CDH13: variants seen among roughly 807,000 people sequenced by gnomAD.
CDH13 encodes the protein cadherin 13.
Under a neutral mutation model 63.8 loss-of-function variants are expected in CDH13, and 24 were observed. That is an observed-to-expected ratio of 0.38 (90% CI 0.27 to 0.53). The LOEUF is 0.53. Among genes scored for constraint, CDH13 ranks in the 20% least tolerant of loss-of-function variants. The pLI, the probability that CDH13 is intolerant of heterozygous loss-of-function variation, is 0.85. For synonymous variants in CDH13, 503 were observed against 355.3 expected (o/e 1.42, Z -4.67); for missense variants, 1,049 against 903.1 (o/e 1.16, Z -2.07).
At chr16:82,863,686 T>C (rs2040024693) in intron 2 of CDH13, among the ~76,000 whole-genome samples, 1 of 152,238 alleles carries the variant, frequency 6.6e-6, no homozygotes, top group African/African-American at 2.4e-5. Flanking sequence ...CTGCTGTTAC[T>C]ATTATTATCA....
chr16:82,900,512 C>A (rs529277951), intron 2 of CDH13, among the ~76,000 whole-genome samples: 2 of 152,270 alleles, frequency 1.3e-5, no homozygotes, highest in Admixed American at 1.3e-4. Flanking sequence ...TAAGAAATAA[C>A]TTCAGAGGTG....
At chr16:83,108,156 TC>T (rs2151615878) in intron 3 of CDH13, among the ~76,000 whole-genome samples, 1 of 152,144 alleles carries the variant, frequency 6.6e-6, no homozygotes, top group South Asian at 2.1e-4. Flanking sequence ...CTTCCTTCAT[TC>T]CCCGGGTATG....
chr16:82,910,670 CACAGGTGT>C (rs1428768229), intron 2 of CDH13, among the ~76,000 whole-genome samples: 1 of 152,184 alleles, frequency 6.6e-6, no homozygotes, highest in Non-Finnish European at 1.5e-5. Context: ...AAACAGGCCG[CACAGGTGT>C]TTAGTGGTAC....
At position 83,367,338 on chromosome 16, in the gene CDH13, GATTAT is replaced by G. The variant is rs201822126; in HGVS notation, c.781+22336_781+22340del. Reference sequence around the variant, plus strand: ...TTTATTGATTATTAATATTGTATGGGATTATATTTTATTTTAAGTTTTTACGTTAT... The same window carrying G: ...TTTATTGATTATTAATATTGTATGGGATTTTATTTTAAGTTTTTACGTTAT... On this transcript the variant is annotated intron_variant, in intron 6 of 13. Coordinates refer to ENST00000567109, the MANE Select transcript of CDH13 (RefSeq NM_001257.5). Among the ~76,000 whole-genome samples, 947 of 152,140 alleles carry G rather than the reference GATTAT, an allele frequency of 6.2e-3. 7 individuals are homozygous for G. The highest frequency in any genetic ancestry group is 0.018 in the African/African-American group (730 of 41,530).
intron 5 of CDH13, among the ~76,000 whole-genome samples, chr16:83,234,710 C>G (rs909584657): frequency 6.6e-6 from 1 of 152,204 alleles, no homozygotes; most frequent in East Asian, 1.9e-4. Context: ...TAGCCCTACC[C>G]CCAGCCCCTC....
intron 7 of CDH13, among the ~76,000 whole-genome samples, chr16:83,594,040 A>G (rs1907023254): frequency 6.6e-6 from 1 of 152,210 alleles, no homozygotes; most frequent in African/African-American, 2.4e-5. Flanking sequence ...ATGGGCACTC[A>G]CAGAGCTACA....
Position 83,433,729 on chromosome 16 carries a change from C to G in CDH13, c.782-52748C>G, listed in dbSNP as rs571262922. Among the ~76,000 whole-genome samples, 8 of 152,282 alleles carry G rather than the reference C, an allele frequency of 5.3e-5. No individual in the cohort carries two copies. The South Asian group carries it at 1.7e-3, about 32-fold the overall frequency. On this transcript the variant is annotated intron_variant, in intron 6 of 13. Transcript: ENST00000567109. Reference sequence around the variant, plus strand: ...TGTGGCAAACAGGCTGATGTAGATTCCTTGAATGTACCATTAGCTACTGCC... The same window carrying G: ...TGTGGCAAACAGGCTGATGTAGATTGCTTGAATGTACCATTAGCTACTGCC...
At chr16:83,245,918 G>A (rs1037995445) in intron 5 of CDH13, among the ~76,000 whole-genome samples, 1 of 151,916 alleles carries the variant, frequency 6.6e-6, no homozygotes, top group African/African-American at 2.4e-5. Context: ...TGTATTTTTT[G>A]TAGAGACTAG....
At chr16:82,840,420 C>T (rs1248304355) in intron 1 of CDH13, among the ~76,000 whole-genome samples, 1 of 150,794 alleles carries the variant, frequency 6.6e-6, no homozygotes, top group Non-Finnish European at 1.5e-5. Context: ...CAGTGGCTCA[C>T]ACCTGTAATC....
At chr16:83,320,091 G>C (rs141379050) in intron 5 of CDH13, among the ~76,000 whole-genome samples, 126 of 152,300 alleles carry the variant, frequency 8.3e-4, no homozygotes, top group African/African-American at 3.0e-3. Context: ...TCAGGCTGGA[G>C]TGCAGTGTCA....
At chr16:83,227,474 G>A (rs1420373570) in intron 5 of CDH13, among the ~76,000 whole-genome samples, 1 of 152,128 alleles carries the variant, frequency 6.6e-6, no homozygotes, top group Non-Finnish European at 1.5e-5. Context: ...GTTGGAAGCT[G>A]GTGGTGCCTA....
chr16:83,584,550 C>T (rs531693189), intron 7 of CDH13, among the ~76,000 whole-genome samples: 208 of 152,178 alleles, frequency 1.4e-3, no homozygotes, highest in African/African-American at 4.7e-3. Context: ...GACTTGGCTG[C>T]GTCTGAATGT....
chr16:82,792,052 T>TC (rs1387750071), intron 1 of CDH13, among the ~76,000 whole-genome samples: 2 of 152,298 alleles, frequency 1.3e-5, no homozygotes, highest in African/African-American at 4.8e-5. Context: ...CCCGCTGCTG[T>TC]CCCCTCCTTT....
At chr16:83,578,380 AAAG>A (rs1262922377) in intron 7 of CDH13, among the ~76,000 whole-genome samples, 4 of 152,164 alleles carry the variant, frequency 2.6e-5, no homozygotes, top group Non-Finnish European at 5.9e-5. Context: ...TAGCTCTGTT[AAAG>A]GAGACAGGGC....
At chr16:82,796,287 C>A (rs554417631) in intron 1 of CDH13, among the ~76,000 whole-genome samples, 2 of 152,104 alleles carry the variant, frequency 1.3e-5, no homozygotes, top group African/African-American at 4.8e-5. Context: ...GTATGGGGTA[C>A]CTGGGAAACA....
At chr16:83,541,708 T>C (rs887103489) in intron 7 of CDH13, among the ~76,000 whole-genome samples, 2 of 152,152 alleles carry the variant, frequency 1.3e-5, no homozygotes, top group Non-Finnish European at 2.9e-5. Flanking sequence ...GTGGAAGAAA[T>C]TCATGGTTGG....
chr16:83,077,154 TTTTC>T (rs1179155344), intron 3 of CDH13, among the ~76,000 whole-genome samples: 6 of 149,660 alleles, frequency 4.0e-5, no homozygotes, highest in African/African-American at 1.2e-4. Flanking sequence ...AAGATTTTCT[TTTTC>T]TTTCTTTTCT....
At chr16:83,275,925 A>G (rs1245246159) in intron 5 of CDH13, among the ~76,000 whole-genome samples, 1 of 152,194 alleles carries the variant, frequency 6.6e-6, no homozygotes, top group East Asian at 1.9e-4. Context: ...TTTATGCTTT[A>G]TGTTCTATAA....
At position 82,914,151 on chromosome 16, in the gene CDH13, G is replaced by C. The variant is rs1019187730; in HGVS notation, c.157+55678G>C. ...TCTTCTAGCGATCTGACAAGGTCCT[G>C]CTAGATCCTTCACTAGACTCTAGGG... is the stretch of plus-strand genomic sequence containing the variant. On this transcript the variant is annotated intron_variant, in intron 2 of 13. Coordinates refer to ENST00000567109, the MANE Select transcript of CDH13 (RefSeq NM_001257.5). Among the ~76,000 whole-genome samples the C allele has an allele frequency of 4.6e-5, 7 of 152,214 alleles. No individual in the cohort carries two copies. In the East Asian group the frequency reaches 1.2e-3, roughly 25 times the overall value.
Sources: gnomAD v4.1 joint callset for allele counts (sites outside exome capture counted in the v4.1 genomes callset) on GRCh38, gnomAD v4.1.1 for gene constraint, MANE v1.5 for transcripts, NCBI Gene and HGNC (gene_info 2026-07-23, HGNC 2026-07-21) for gene names.